Variants in ADCY2 observed in about 807,000 individuals in gnomAD.
The protein encoded by ADCY2 is adenylate cyclase type 2.
Under a neutral mutation model 125.2 loss-of-function variants are expected in ADCY2, and 31 were observed. The ratio of observed to expected loss-of-function variants is 0.25; its 90% confidence interval spans 0.19 to 0.33. The LOEUF is 0.33. Ranked by LOEUF, ADCY2 falls within the 10% of genes least tolerant of loss-of-function variation. ADCY2 has a pLI of 1.00. For missense variants in ADCY2, 904 were observed against 1,418.2 expected (o/e 0.64, Z 5.82); for synonymous variants, 512 against 548.4 (o/e 0.93, Z 0.93).
chr5:7,773,113 C>T lies in ADCY2; in HGVS notation c.2384+12C>T. The T allele has an allele frequency of 1.2e-6, 2 of 1,612,396 alleles. No homozygotes were observed. Among genetic ancestry groups the T allele is most frequent in the Non-Finnish European group, 1.7e-6 (2 of 1,179,026 alleles). ...GTCTTATTTGAGAGGTGAGCCACGGCCTCTTCCTTCTCTTACTATAGTTCT... is the reference window on the plus strand; with the variant it reads ...GTCTTATTTGAGAGGTGAGCCACGGTCTCTTCCTTCTCTTACTATAGTTCT... On this transcript the variant is annotated intron_variant, in intron 18 of 24. Transcript: ENST00000338316.
At position 7,447,226 on chromosome 5, in the gene ADCY2, G is replaced by A. The variant is rs143770100; in HGVS notation, c.408+32456G>A. 1.1e-3 allele frequency among the ~76,000 whole-genome samples: 164 copies of A among 152,140 alleles called. 1 individual carries two copies. Among genetic ancestry groups the A allele is most frequent in the African/African-American group, 3.9e-3 (160 of 41,502 alleles). On this transcript the variant is annotated intron_variant, in intron 2 of 24. Coordinates refer to ENST00000338316, the MANE Select transcript of ADCY2 (RefSeq NM_020546.3). ...TCCCCCAAGCTCTTCTGCAACTCTC[G>A]GGTCTCTCCTGTGGTCTCACCTCTA...
intron 4 of ADCY2, among the ~76,000 whole-genome samples, chr5:7,626,947 C>G (rs1461838951): frequency 1.3e-5 from 2 of 152,130 alleles, no homozygotes; most frequent in Non-Finnish European, 2.9e-5. Context: ...ACCAAGGGAC[C>G]CAGGATCACC....
At chr5:7,760,473 G>T (rs1050876975) in intron 16 of ADCY2, among the ~76,000 whole-genome samples, 1 of 152,162 alleles carries the variant, frequency 6.6e-6, no homozygotes, top group Admixed American at 6.5e-5. Flanking sequence ...AAATTAAGCC[G>T]CCTCCTGGCC....
chr5:7,600,233 C>T (rs1432683725), intron 3 of ADCY2, among the ~76,000 whole-genome samples: 1 of 152,090 alleles, frequency 6.6e-6, no homozygotes, highest in South Asian at 2.1e-4. Context: ...CAAGCATCCC[C>T]CTCAGTGGCC....
At chr5:7,461,894 A>G (rs1321474148) in intron 2 of ADCY2, among the ~76,000 whole-genome samples, 2 of 152,222 alleles carry the variant, frequency 1.3e-5, no homozygotes, top group Non-Finnish European at 2.9e-5. Context: ...TTAAGCATCT[A>G]TGATAATGAA....
chr5:7,527,740 A>G (rs570639653), intron 3 of ADCY2, among the ~76,000 whole-genome samples: 50 of 152,362 alleles, frequency 3.3e-4, no homozygotes, highest in African/African-American at 1.2e-3. Context: ...TAATACAGCA[A>G]ATCATCTATG....
intron 3 of ADCY2, among the ~76,000 whole-genome samples, chr5:7,569,756 A>C (rs1179777962): frequency 1.3e-5 from 2 of 152,138 alleles, no homozygotes; most frequent in African/African-American, 4.8e-5. Flanking sequence ...TGAACTGCTC[A>C]GGCTTAAGAG....
chr5:7,672,467 AGTACTAAGAATGGTTTT>A (rs1739968207), intron 4 of ADCY2, among the ~76,000 whole-genome samples: 1 of 152,042 alleles, frequency 6.6e-6, no homozygotes, highest in Non-Finnish European at 1.5e-5. Flanking sequence ...ATGTGGCCTG[AGTACTAAGAATGGTTTT>A]TATATTGTTA....
intron 14 of ADCY2, among the ~76,000 whole-genome samples, chr5:7,737,376 A>T (rs1742280787): frequency 6.6e-6 from 1 of 152,176 alleles, no homozygotes; most frequent in Non-Finnish European, 1.5e-5. Flanking sequence ...GAACCATGCA[A>T]AGCTAGAGCT....
intron 1 of ADCY2, among the ~76,000 whole-genome samples, chr5:7,401,958 A>T (rs1051828893): frequency 6.6e-6 from 1 of 151,816 alleles, no homozygotes; most frequent in African/African-American, 2.4e-5. Flanking sequence ...ATTGAACCTG[A>T]CTCATTTCTT....
intron 4 of ADCY2, among the ~76,000 whole-genome samples, chr5:7,666,128 G>C (rs953322520): frequency 1.3e-5 from 2 of 151,664 alleles, no homozygotes. Flanking sequence ...GTGAGCCACT[G>C]CGCCCAGCCC....
chr5:7,634,648 AC>A (rs1738430885), intron 4 of ADCY2, among the ~76,000 whole-genome samples: 1 of 152,078 alleles, frequency 6.6e-6, no homozygotes. Flanking sequence ...TCTGTTAAAT[AC>A]AGGATTATAC....
chr5:7,545,804 C>T (rs573072408), intron 3 of ADCY2, among the ~76,000 whole-genome samples: 75 of 152,286 alleles, frequency 4.9e-4, no homozygotes, highest in African/African-American at 1.8e-3. Flanking sequence ...CACAATTGCA[C>T]TTCCCAGGTA....
intron 1 of ADCY2, among the ~76,000 whole-genome samples, chr5:7,405,617 T>A (rs930543448): frequency 9.2e-5 from 14 of 152,202 alleles, no homozygotes; most frequent in African/African-American, 3.4e-4. Context: ...ACTGCCCAAG[T>A]CTTTGTTCAA....
intron 16 of ADCY2, among the ~76,000 whole-genome samples, chr5:7,758,821 C>T (rs928423239): frequency 6.6e-6 from 1 of 151,884 alleles, no homozygotes; most frequent in Admixed American, 6.6e-5. Context: ...GGCAGGTGGG[C>T]GGAAGGGGAG....
intron 14 of ADCY2, among the ~76,000 whole-genome samples, chr5:7,740,186 A>G (rs184162830): frequency 2.0e-5 from 3 of 152,132 alleles, no homozygotes; most frequent in Non-Finnish European, 4.4e-5. Context: ...GAAACAGCTT[A>G]TAGAATAAAG....
intron 4 of ADCY2, among the ~76,000 whole-genome samples, chr5:7,679,349 C>A (rs7706852): frequency 9.2e-5 from 14 of 152,132 alleles, no homozygotes; most frequent in Non-Finnish European, 8.8e-5. Flanking sequence ...GGTGGGATGC[C>A]TGGGGTATAT....
intron 2 of ADCY2, among the ~76,000 whole-genome samples, chr5:7,515,108 T>C (rs1319426992): frequency 6.6e-6 from 1 of 152,220 alleles, no homozygotes; most frequent in Admixed American, 6.5e-5. Context: ...TCCCTTCCAC[T>C]CTACCTTTGT....
intron 3 of ADCY2, among the ~76,000 whole-genome samples, chr5:7,606,172 A>T (rs1737368110): frequency 6.6e-6 from 1 of 152,182 alleles, no homozygotes; most frequent in South Asian, 2.1e-4. Flanking sequence ...GTTTACGTGG[A>T]TTTATTCACT....
Sources: allele counts gnomAD v4.1 joint callset (sites outside exome capture counted in the v4.1 genomes callset), GRCh38; gene constraint gnomAD v4.1.1; transcripts MANE v1.5; gene names NCBI Gene and HGNC (gene_info 2026-07-23, HGNC 2026-07-21).